SLC35F3: variants seen among roughly 807,000 people sequenced by gnomAD.
SLC35F3 encodes the protein putative thiamine transporter SLC35F3.
Under a neutral mutation model 49.9 loss-of-function variants are expected in SLC35F3, and 25 were observed. The observed-to-expected ratio is 0.50, with a 90% CI of 0.37 to 0.70. The LOEUF (loss-of-function observed/expected upper bound fraction) is 0.70. Among genes scored for constraint, SLC35F3 ranks in the 30% least tolerant of loss-of-function variants. SLC35F3 has a pLI of 0.00. For synonymous variants in SLC35F3, 275 were observed against 265.4 expected, an observed-to-expected ratio of 1.04 and a Z score of -0.35; for missense variants, 525 against 639.8, an observed-to-expected ratio of 0.82 and a Z score of 1.94.
chr1:234,101,112 T>C (rs1665207367), intron 2 of SLC35F3, among the ~76,000 whole-genome samples: 1 of 151,982 alleles, frequency 6.6e-6, no homozygotes, highest in South Asian at 2.1e-4. Context: ...TCAAATTAGC[T>C]AACTCCTCCT....
At chr1:234,315,313 A>G (rs6668287) in intron 4 of SLC35F3, among the ~76,000 whole-genome samples, 4,738 of 152,332 alleles carry the variant, frequency 0.031, 231 homozygotes, top group African/African-American at 0.11. Context: ...ATTAAGCCAC[A>G]TTATGTTTCA....
rs76809601 is a variant in SLC35F3, at chr1:234,165,289, T to C, written c.284-66128T>C. Among the ~76,000 whole-genome samples the C allele has an allele frequency of 7.6e-3, 1,159 of 152,298 alleles. 20 individuals carry two copies. The highest frequency in any genetic ancestry group is 0.025 in the African/African-American group (1,048 of 41,554). On this transcript the variant is annotated intron_variant, in intron 2 of 7. Transcript: ENST00000366618. ...TCAGCAAAGGAGTTTATTTAACATG[T>C]CTGTTTCATTCTGTCATCATCTGGT...
At chr1:234,105,971 C>T (rs138889519) in intron 2 of SLC35F3, among the ~76,000 whole-genome samples, 10 of 152,224 alleles carry the variant, frequency 6.6e-5, no homozygotes, top group South Asian at 2.1e-4. Context: ...TCTATTATTC[C>T]GGATGTCAGA....
chr1:234,131,007 A>G (rs1055091903), intron 2 of SLC35F3, among the ~76,000 whole-genome samples: 7 of 152,222 alleles, frequency 4.6e-5, no homozygotes, highest in Non-Finnish European at 8.8e-5. Flanking sequence ...TAAGTGGAAC[A>G]ACATAGAAAA....
intron 2 of SLC35F3, among the ~76,000 whole-genome samples, chr1:234,154,061 CAAAAAAA>C (rs918071713): frequency 1.5e-5 from 2 of 136,856 alleles, no homozygotes; most frequent in Non-Finnish European, 3.2e-5. Context: ...GACTCCGTCT[CAAAAAAA>C]AAAACAAAAA....
intron 2 of SLC35F3, among the ~76,000 whole-genome samples, chr1:233,992,908 G>A (rs1663387742): frequency 6.6e-6 from 1 of 152,070 alleles, no homozygotes; most frequent in South Asian, 2.1e-4. Flanking sequence ...AAAGTGGGAG[G>A]GCAGCCTGTC....
At chr1:234,073,018 T>C (rs1664740876) in intron 2 of SLC35F3, among the ~76,000 whole-genome samples, 2 of 152,116 alleles carry the variant, frequency 1.3e-5, no homozygotes, top group African/African-American at 4.8e-5. Context: ...AGTGGAGAGA[T>C]GATGGAGGTG....
At chr1:234,276,940 G>A (rs539786931) in intron 3 of SLC35F3, among the ~76,000 whole-genome samples, 1 of 152,250 alleles carries the variant, frequency 6.6e-6, no homozygotes, top group South Asian at 2.1e-4. Flanking sequence ...AGTGAAGCAG[G>A]TGGAGGGCAA....
At chr1:233,946,522 C>T (rs1037297046) in intron 2 of SLC35F3, among the ~76,000 whole-genome samples, 3 of 152,124 alleles carry the variant, frequency 2.0e-5, no homozygotes, top group Non-Finnish European at 2.9e-5. Flanking sequence ...TTACTATTGT[C>T]ATTTATAATG....
chr1:234,265,733 C>A (rs530582356), intron 3 of SLC35F3, among the ~76,000 whole-genome samples: 91 of 152,260 alleles, frequency 6.0e-4, no homozygotes, highest in Non-Finnish European at 6.5e-4. Context: ...TCCTGTCACT[C>A]CCCTACTCAA....
chr1:234,258,136 G>A (rs1282200280), intron 3 of SLC35F3, among the ~76,000 whole-genome samples: 2 of 152,206 alleles, frequency 1.3e-5, no homozygotes, highest in Admixed American at 1.3e-4. Flanking sequence ...CTCCCCGAAA[G>A]CTTGGAGGCT....
At chr1:234,082,683 A>G (rs1293480567) in intron 2 of SLC35F3, among the ~76,000 whole-genome samples, 1 of 152,176 alleles carries the variant, frequency 6.6e-6, no homozygotes, top group Admixed American at 6.5e-5. Context: ...GGTTTAATGG[A>G]CTCACAGTTT....
At chr1:234,140,002 A>AATAAATAAAAAT in intron 2 of SLC35F3, among the ~76,000 whole-genome samples, 2 of 105,368 alleles carry the variant, frequency 1.9e-5, no homozygotes, top group Non-Finnish European at 4.7e-5. Context: ...AATAAAATAA[A>AATAAATAAAAAT]GTAAGTGACT....
intron 2 of SLC35F3, among the ~76,000 whole-genome samples, chr1:233,926,691 C>T (rs552764331): frequency 5.8e-4 from 89 of 152,250 alleles, no homozygotes; most frequent in Non-Finnish European, 8.1e-4. Flanking sequence ...CAAGGAGCTG[C>T]GTTCCTTTGA....
At chr1:234,217,190 T>C (rs1480761395) in intron 2 of SLC35F3, among the ~76,000 whole-genome samples, 1 of 152,158 alleles carries the variant, frequency 6.6e-6, no homozygotes, top group Non-Finnish European at 1.5e-5. Context: ...GTGTGTCATC[T>C]AAGGGGAGGC....
At chr1:234,166,478 T>C (rs900005886) in intron 2 of SLC35F3, among the ~76,000 whole-genome samples, 1 of 152,188 alleles carries the variant, frequency 6.6e-6, no homozygotes, top group Non-Finnish European at 1.5e-5. Context: ...ATCTCCACTA[T>C]CACCTCTCAC....
intron 3 of SLC35F3, among the ~76,000 whole-genome samples, chr1:234,302,894 T>C (rs1039905046): frequency 1.4e-4 from 22 of 152,186 alleles, no homozygotes; most frequent in Non-Finnish European, 2.9e-5. Flanking sequence ...ATTCAATGCA[T>C]GCACATACTC....
chr1:234,242,531 G>A (rs1397724050), intron 3 of SLC35F3, among the ~76,000 whole-genome samples: 3 of 152,160 alleles, frequency 2.0e-5, no homozygotes, highest in Non-Finnish European at 2.9e-5. Context: ...AGCTGAGTTC[G>A]TTAAAAAAGA....
intron 2 of SLC35F3, among the ~76,000 whole-genome samples, chr1:233,993,913 A>G (rs762576214): frequency 1.3e-5 from 2 of 152,170 alleles, no homozygotes; most frequent in Non-Finnish European, 2.9e-5. Flanking sequence ...CGCATGCTCA[A>G]ATGAATCAGA....
Sources: allele counts gnomAD v4.1 joint callset (sites outside exome capture counted in the v4.1 genomes callset), GRCh38; gene constraint gnomAD v4.1.1; transcripts MANE v1.5; gene names NCBI Gene and HGNC (gene_info 2026-07-23, HGNC 2026-07-21).